MEIG1: variants seen among roughly 807,000 people sequenced by gnomAD.
MEIG1 encodes the protein meiosis expressed gene 1 protein homolog.
Under a neutral mutation model 11.3 loss-of-function variants are expected in MEIG1, and 12 were observed. The observed-to-expected ratio is 1.07, with a 90% CI of 0.68 to 1.73. The LOEUF (loss-of-function observed/expected upper bound fraction) is 1.73, where lower values mean the gene tolerates loss of function less well. Among genes scored for constraint, MEIG1 ranks in the 40% most tolerant of loss-of-function variants. The pLI, the probability that MEIG1 is intolerant of heterozygous loss-of-function variation, is 0.00. For missense variants in MEIG1, 119 were observed against 104.9 expected, an observed-to-expected ratio of 1.13 and a Z score of -0.59; for synonymous variants, 41 against 33.2, an observed-to-expected ratio of 1.24 and a Z score of -0.81.
chr10:14,970,246 AG>A (rs1479386640), intron 2 of MEIG1: 40 of 152,212 alleles, frequency 2.6e-4, no homozygotes, highest in Admixed American at 2.6e-3. Flanking sequence ...ATTCCACCAC[AG>A]GCAAGAAAGT....
chr10:14,970,074 G>A (rs765274880), intron 2 of MEIG1, among the ~76,000 whole-genome samples: 6 of 152,310 alleles, frequency 3.9e-5, no homozygotes, highest in Admixed American at 2.0e-4. Flanking sequence ...GGTCTTCAGG[G>A]ACGGATAGGA....
intron 1 of MEIG1, among the ~76,000 whole-genome samples, chr10:14,964,585 G>GTGTATATATA (rs1378376059): frequency 2.1e-5 from 2 of 93,042 alleles, no homozygotes; most frequent in African/African-American, 7.9e-5. Context: ...GTGTGTGTGT[G>GTGTATATATA]TATATATATA....
At chr10:14,966,742 CT>C in intron 2 of MEIG1, 136 bp downstream of exon 2, 3 of 887,948 alleles carry the variant, frequency 3.4e-6, no homozygotes, top group Non-Finnish European at 5.0e-6. Context: ...CTTTTATTTA[CT>C]TTTATTTTAT....
chr10:14,976,067 A>C (rs548770403), downstream of MEIG1, among the ~76,000 whole-genome samples: 2 of 151,970 alleles, frequency 1.3e-5, no homozygotes, highest in South Asian at 4.2e-4. Context: ...GGGTGATATT[A>C]CTCCCCGCAT....
At chr10:14,954,734 A>T (rs1842892570), upstream of MEIG1, among the ~76,000 whole-genome samples, 1 of 152,076 alleles carries the variant, frequency 6.6e-6, no homozygotes, top group East Asian at 1.9e-4. Context: ...TGATGTACTT[A>T]AAAAAAGAAA....
intron 1 of MEIG1, among the ~76,000 whole-genome samples, chr10:14,966,066 C>CT (rs10673663): frequency 0.13 from 15,422 of 118,462 alleles, 2,588 homozygotes; most frequent in African/African-American, 0.35. Flanking sequence ...TTTATTTATT[C>CT]TTTTTTTTTT....
Position 14,972,762 on chromosome 10 carries a change from A to G in MEIG1, c.*121A>G. ...CAGTCTGCAGTTTAATGTTTTGTGA[A>G]ACACAAAAGCCATGAGAATTGGTAT... On this transcript the variant is annotated 3_prime_UTR_variant, in exon 3 of 3. Coordinates refer to ENST00000407572, the MANE Select transcript of MEIG1 (RefSeq NM_001080836.3). The G allele has an allele frequency of 1.0e-6, 1 of 991,286 alleles. No homozygotes were observed. Among genetic ancestry groups the G allele is most frequent in the South Asian group, 1.7e-5 (1 of 57,270 alleles). The allele number at this position is 991,286 out of a possible 1,614,324, so 61.4% of individuals were successfully genotyped here. A position where few individuals can be genotyped will look rare whatever the true frequency, so the allele number is the denominator to read the frequency against.
Position 14,980,553 on chromosome 10 carries a change from T to C in MEIG1, n.67-6243T>C, listed in dbSNP as rs1164164886. Among the ~76,000 whole-genome samples the C allele has an allele frequency of 3.9e-5, 6 of 152,334 alleles. No individual in the cohort carries two copies. In the East Asian group the frequency reaches 1.2e-3, roughly 29 times the overall value. On this transcript the variant is annotated intron_variant and non_coding_transcript_variant, in intron 1 of 2. Coordinates refer to the MEIG1 transcript ENST00000467536. ...TGTCAGGAGATCTGAGCTTTTTTCT[T>C]GGACACATTATACCCACAGTCCTCC...
chr10:14,979,914 G>T (rs549743717), intron 1 of MEIG1, among the ~76,000 whole-genome samples: 1 of 151,964 alleles, frequency 6.6e-6, no homozygotes, highest in Non-Finnish European at 1.5e-5. Context: ...ATTGTCAGAG[G>T]AGTTTAACAT....
At chr10:14,964,184 A>G (rs1843050235) in intron 1 of MEIG1, among the ~76,000 whole-genome samples, 1 of 152,092 alleles carries the variant, frequency 6.6e-6, no homozygotes, top group South Asian at 2.1e-4. Flanking sequence ...TAGGAAGAGC[A>G]TTAGAACATC....
rs144369343 is a variant in MEIG1, at chr10:14,985,439, G to T, written n.67-1357G>T. ...TATCCTTGGGGGTGTTACTCCTAAT[G>T]TCATATGGGATGTACTCCATCATAT... is the stretch of plus-strand genomic sequence containing the variant. On this transcript the variant is annotated intron_variant and non_coding_transcript_variant, in intron 1 of 2. Transcript: ENST00000467536. 1.6e-3 allele frequency among the ~76,000 whole-genome samples: 245 copies of T among 152,096 alleles called. 1 individual carries two copies. Among genetic ancestry groups the T allele is most frequent in the African/African-American group, 5.7e-3 (235 of 41,470 alleles).
intron 1 of MEIG1, among the ~76,000 whole-genome samples, chr10:14,965,760 G>C (rs1196080084): frequency 6.6e-6 from 1 of 151,214 alleles, no homozygotes; most frequent in East Asian, 2.0e-4. Flanking sequence ...TGGATATTTT[G>C]ACAATCTACT....
chr10:14,961,682 G>C (rs10906781), intron 1 of MEIG1, among the ~76,000 whole-genome samples: 21,353 of 129,558 alleles, frequency 0.16, 2,466 homozygotes, highest in African/African-American at 0.33. Context: ...TTTTCACCAG[G>C]TTGGCTAGGC....
intron 1 of MEIG1, among the ~76,000 whole-genome samples, chr10:14,984,206 G>A (rs535764096): frequency 6.6e-6 from 1 of 150,588 alleles, no homozygotes; most frequent in African/African-American, 2.5e-5. Context: ...CCCGCATCGT[G>A]GGGGGAGCCC....
intron 1 of MEIG1, among the ~76,000 whole-genome samples, chr10:14,965,647 T>A: frequency 6.9e-6 from 1 of 144,994 alleles, no homozygotes; most frequent in Non-Finnish European, 1.5e-5. Context: ...GCGAACAGAG[T>A]GAGAAGACGG....
chr10:14,987,550 A>G (rs1230417009), intron 2 of MEIG1: 5 of 645,064 alleles, frequency 7.8e-6, no homozygotes, highest in East Asian at 6.0e-5. Context: ...TTACACTTGC[A>G]GACCATACAC....
intron 1 of MEIG1, among the ~76,000 whole-genome samples, chr10:14,984,066 T>G (rs565910273): frequency 2.6e-5 from 4 of 152,088 alleles, no homozygotes; most frequent in East Asian, 1.9e-4. Flanking sequence ...GTGCAGAGGA[T>G]GTACACCCGT....
downstream of MEIG1, among the ~76,000 whole-genome samples, chr10:14,975,884 G>C (rs1843204808): frequency 6.6e-6 from 1 of 152,148 alleles, no homozygotes; most frequent in African/African-American, 2.4e-5. Flanking sequence ...ACACTCCCGT[G>C]ATATTGTTCT....
chr10:14,981,610 C>T (rs1564509812), intron 1 of MEIG1, among the ~76,000 whole-genome samples: 2 of 152,178 alleles, frequency 1.3e-5, no homozygotes, highest in Non-Finnish European at 2.9e-5. Flanking sequence ...GACAGTCATT[C>T]TGACCAGAGG....
Sources: gnomAD v4.1 joint callset for allele counts (sites outside exome capture counted in the v4.1 genomes callset) on GRCh38, gnomAD v4.1.1 for gene constraint, MANE v1.5 for transcripts, NCBI Gene and HGNC (gene_info 2026-07-23, HGNC 2026-07-21) for gene names.